CACNB2: variants seen among roughly 807,000 people sequenced by gnomAD.
CACNB2 encodes calcium voltage-gated channel auxiliary subunit beta 2.
A neutral mutation model predicts 73.3 loss-of-function variants in CACNB2; 42 were observed. The ratio of observed to expected loss-of-function variants is 0.57; its 90% confidence interval spans 0.45 to 0.74. CACNB2 has a LOEUF of 0.74. Among genes scored for constraint, CACNB2 ranks in the 30% least tolerant of loss-of-function variants. The pLI, the probability that CACNB2 is intolerant of heterozygous loss-of-function variation, is 0.00. For synonymous variants in CACNB2, 348 were observed against 310.3 expected (o/e 1.12, Z -1.28); for missense variants, 940 against 853.0 (o/e 1.10, Z -1.27).
chr10:18,260,213 A>G lies in CACNB2; in HGVS notation c.213+109238A>G, dbSNP rs1237409820. ...TTACATGGTCTTTAGGGAGAATATT[A>G]GGATCAGCTCAGTCCCTGAAAACTG... On this transcript the variant is annotated intron_variant, in intron 2 of 13. Coordinates refer to ENST00000324631, the MANE Select transcript of CACNB2 (RefSeq NM_201596.3). Among the ~76,000 whole-genome samples the G allele has an allele frequency of 2.6e-5, 4 of 152,292 alleles. No individual in the cohort carries two copies. The East Asian group carries it at 5.8e-4, about 22-fold the overall frequency.
chr10:18,239,011 A>G (rs952059208), intron 2 of CACNB2, among the ~76,000 whole-genome samples: 1 of 152,164 alleles, frequency 6.6e-6, no homozygotes. Flanking sequence ...CTGGAACCCA[A>G]ATGCTTTCAG....
At chr10:18,267,650 C>A (rs1163142370) in intron 2 of CACNB2, among the ~76,000 whole-genome samples, 4 of 152,098 alleles carry the variant, frequency 2.6e-5, no homozygotes, top group African/African-American at 9.7e-5. Context: ...GGTAAACTTT[C>A]ATATAAACAT....
At chr10:18,412,241 A>G (rs2044675572) in intron 3 of CACNB2, among the ~76,000 whole-genome samples, 1 of 152,198 alleles carries the variant, frequency 6.6e-6, no homozygotes, top group Non-Finnish European at 1.5e-5. Context: ...TCACCGGCCT[A>G]AGCCTGGAGT....
At chr10:18,489,220 A>C (rs936514038) in intron 3 of CACNB2, among the ~76,000 whole-genome samples, 4 of 151,928 alleles carry the variant, frequency 2.6e-5, no homozygotes, top group Non-Finnish European at 4.4e-5. Flanking sequence ...CTCTGTGTCA[A>C]GAAACAAAAA....
chr10:18,245,110 C>G (rs561570818), intron 2 of CACNB2, among the ~76,000 whole-genome samples: 1 of 151,512 alleles, frequency 6.6e-6, no homozygotes, highest in Non-Finnish European at 1.5e-5. Context: ...CAGTAAGACT[C>G]ATTTCGGACT....
intron 2 of CACNB2, among the ~76,000 whole-genome samples, chr10:18,399,006 G>T (rs1453389460): frequency 6.6e-6 from 1 of 152,100 alleles, no homozygotes; most frequent in Non-Finnish European, 1.5e-5. Context: ...GAATGCGACC[G>T]CGGGAATGAG....
chr10:18,299,995 T>G (rs912668843), intron 2 of CACNB2, among the ~76,000 whole-genome samples: 1 of 151,766 alleles, frequency 6.6e-6, no homozygotes, highest in Admixed American at 6.6e-5. Context: ...GTAGAGCCTC[T>G]ACCCAGTGAA....
chr10:18,465,898 C>G (rs2047855835), intron 3 of CACNB2, among the ~76,000 whole-genome samples: 1 of 152,198 alleles, frequency 6.6e-6, no homozygotes, highest in South Asian at 2.1e-4. Context: ...CCAGGCTGCT[C>G]TCGAACTCCT....
At chr10:18,162,779 G>A (rs2032563259) in intron 2 of CACNB2, among the ~76,000 whole-genome samples, 1 of 152,204 alleles carries the variant, frequency 6.6e-6, no homozygotes, top group African/African-American at 2.4e-5. Flanking sequence ...GAGGAAGTAT[G>A]TGTTCATAGA....
At chr10:18,422,399 C>T (rs1356099258) in intron 3 of CACNB2, among the ~76,000 whole-genome samples, 1 of 152,150 alleles carries the variant, frequency 6.6e-6, no homozygotes, top group Admixed American at 6.5e-5. Context: ...AAAAAGAAAC[C>T]ATTTGCCATT....
chr10:18,172,939 T>TTTTTTTTTA (rs1554765028), intron 2 of CACNB2, among the ~76,000 whole-genome samples: 1 of 150,166 alleles, frequency 6.7e-6, no homozygotes, highest in African/African-American at 2.5e-5. Context: ...TTTTTTTTTT[T>TTTTTTTTTA]AAATGGAGTT....
intron 2 of CACNB2, among the ~76,000 whole-genome samples, chr10:18,277,103 C>T (rs12772624): frequency 0.028 from 4,272 of 152,164 alleles, 104 homozygotes; most frequent in Non-Finnish European, 0.039. Context: ...AGGGATGGAG[C>T]GAGATCTTGT....
At chr10:18,389,761 G>C (rs2043383493) in intron 2 of CACNB2, among the ~76,000 whole-genome samples, 1 of 152,166 alleles carries the variant, frequency 6.6e-6, no homozygotes, top group African/African-American at 2.4e-5. Flanking sequence ...AGGTGTGAAA[G>C]TATCAATTTA....
chr10:18,530,585 AGAG>A (rs963086980), intron 10 of CACNB2, among the ~76,000 whole-genome samples: 1 of 151,972 alleles, frequency 6.6e-6, no homozygotes, highest in Non-Finnish European at 1.5e-5. Context: ...AATAAAGTGT[AGAG>A]TATATCATGT....
intron 2 of CACNB2, among the ~76,000 whole-genome samples, chr10:18,285,193 C>G (rs1300784325): frequency 6.6e-6 from 1 of 152,174 alleles, no homozygotes; most frequent in East Asian, 1.9e-4. Context: ...TGTCTTTGTA[C>G]AGTCCTCTCC....
chr10:18,352,772 T>A (rs2041762570), intron 2 of CACNB2, among the ~76,000 whole-genome samples: 1 of 152,222 alleles, frequency 6.6e-6, no homozygotes, highest in Admixed American at 6.5e-5. Flanking sequence ...TTACATGTAA[T>A]ATGTAGCACA....
chr10:18,219,969 G>A lies in CACNB2; in HGVS notation c.213+68994G>A, dbSNP rs113733115. Among the ~76,000 whole-genome samples the A allele has an allele frequency of 9.9e-3, 1,477 of 149,098 alleles. 21 individuals are homozygous for A. The highest frequency in any genetic ancestry group is 0.033 in the African/African-American group (1,350 of 40,498). On this transcript the variant is annotated intron_variant, in intron 2 of 13. Transcript: ENST00000324631. Reference sequence around the variant, plus strand: ...TTTAATAGAGATGGGGTTTCTTCCTGTTGGCCAGGCTGGTCACGAACTCCT... The same window carrying A: ...TTTAATAGAGATGGGGTTTCTTCCTATTGGCCAGGCTGGTCACGAACTCCT...
In CACNB2 at chr10:18,539,235, T is replaced by G; in HGVS notation, c.1494T>G (p.Ser498=). Residue 498 remains serine (S), a synonymous_variant, in exon 14 of 14, where the codon TCT becomes TCG. Transcript: ENST00000324631. ...TGTGCTCCTTTCGCTGCCAGGGTTCTCAAGGTGATCAGAGGACTGATCGCT... is the reference window on the plus strand; with the variant it reads ...TGTGCTCCTTTCGCTGCCAGGGTTCGCAAGGTGATCAGAGGACTGATCGCT... The part of the protein sequence containing the change: ...SPTLASNSQG[S]QGDQRTDRSA... 6.2e-7 allele frequency: 1 copy of G among 1,614,068 alleles called. No individual in the cohort carries two copies. Among genetic ancestry groups the G allele is most frequent in the Non-Finnish European group, 8.5e-7 (1 of 1,179,998 alleles).
chr10:18,261,083 G>A (rs1342338486), intron 2 of CACNB2: 1 of 1,427,550 alleles, frequency 7.0e-7, no homozygotes. Flanking sequence ...GGAGAACAAA[G>A]TTTTGGCATG....
Sources: allele counts gnomAD v4.1 joint callset (sites outside exome capture counted in the v4.1 genomes callset), GRCh38; gene constraint gnomAD v4.1.1; transcripts MANE v1.5; gene names NCBI Gene and HGNC (gene_info 2026-07-23, HGNC 2026-07-21).